The following PCAT7 variants were observed in gnomAD, a reference collection of about 807,000 sequenced individuals.
PCAT7 encodes prostate cancer associated transcript 7, also known as prostate cancer associated transcript 7 (non-protein coding).
At chr9:94,572,375 A>T (rs642035) in intron 2 of PCAT7, among the ~76,000 whole-genome samples, 73,890 of 151,916 alleles carry the variant, frequency 0.49, 18,597 homozygotes, top group African/African-American at 0.61. Context: ...TTCATAGATT[A>T]GTGATTCAAA....
chr9:94,561,817 A>G (rs1340249008), intron 2 of PCAT7, among the ~76,000 whole-genome samples: 1 of 152,234 alleles, frequency 6.6e-6, no homozygotes, highest in Non-Finnish European at 1.5e-5. Flanking sequence ...ATTAGGATCC[A>G]ACAGAACTTT....
At chr9:94,554,865 A>C (rs1049460939), upstream of PCAT7, among the ~76,000 whole-genome samples, 3 of 152,170 alleles carry the variant, frequency 2.0e-5, no homozygotes, top group African/African-American at 7.2e-5. Flanking sequence ...GTAGCTCCCC[A>C]CACCCACACA....
chr9:94,567,388 A>G, intron 2 of PCAT7: 1 of 1,614,158 alleles, frequency 6.2e-7, no homozygotes, highest in Non-Finnish European at 8.5e-7. Context: ...TTTTTCCACC[A>G]GGACAAATTC....
chr9:94,558,760 C>A, intron 1 of PCAT7: 2 of 610,210 alleles, frequency 3.3e-6, no homozygotes, highest in East Asian at 2.9e-5. Flanking sequence ...TTCACATTGA[C>A]CATAGAATCG....
At chr9:94,572,097 G>T (rs1021419496) in intron 2 of PCAT7, among the ~76,000 whole-genome samples, 6 of 152,132 alleles carry the variant, frequency 3.9e-5, no homozygotes, top group African/African-American at 1.4e-4. Context: ...CCAGCAGCAG[G>T]AAGCCCTGAT....
intron 3 of PCAT7, among the ~76,000 whole-genome samples, chr9:94,574,652 C>T (rs1827299443): frequency 6.6e-6 from 1 of 152,088 alleles, no homozygotes; most frequent in Non-Finnish European, 1.5e-5. Flanking sequence ...TCATGACATT[C>T]CATATGTTTT....
intron 1 of PCAT7, among the ~76,000 whole-genome samples, chr9:94,557,517 T>C (rs532063690): frequency 7.2e-5 from 11 of 152,214 alleles, no homozygotes; most frequent in Non-Finnish European, 1.3e-4. Flanking sequence ...TGCCAAGCCA[T>C]GCTAGACTGA....
intron 1 of PCAT7, among the ~76,000 whole-genome samples, chr9:94,557,083 C>G (rs974409732): frequency 6.6e-6 from 1 of 152,164 alleles, no homozygotes; most frequent in Non-Finnish European, 1.5e-5. Context: ...TCCCCTGCCC[C>G]TTTTATTGAT....
At chr9:94,563,704 C>T (rs921417646) in intron 2 of PCAT7, among the ~76,000 whole-genome samples, 2 of 148,296 alleles carry the variant, frequency 1.3e-5, no homozygotes, top group African/African-American at 5.0e-5. Context: ...CAATATCCTG[C>T]AGCAATCTTA....
At chr9:94,563,868 C>T (rs950537555) in intron 2 of PCAT7, among the ~76,000 whole-genome samples, 1 of 152,090 alleles carries the variant, frequency 6.6e-6, no homozygotes, top group African/African-American at 2.4e-5. Context: ...AGACTTTAAA[C>T]CAATAAAGTT....
intron 2 of PCAT7, among the ~76,000 whole-genome samples, chr9:94,559,649 T>G (rs1473162096): frequency 1.3e-5 from 2 of 152,134 alleles, no homozygotes; most frequent in Admixed American, 6.5e-5. Flanking sequence ...TCTAACTAGT[T>G]TGCCGGTGTT....
chr9:94,573,594 TTTC>T (rs1827290259), intron 3 of PCAT7, among the ~76,000 whole-genome samples: 1 of 152,206 alleles, frequency 6.6e-6, no homozygotes, highest in African/African-American at 2.4e-5. Flanking sequence ...TTATGTGATT[TTTC>T]TTCTTTAGCC....
chr9:94,557,395 AT>A (rs771098401), intron 1 of PCAT7, among the ~76,000 whole-genome samples: 1 of 152,136 alleles, frequency 6.6e-6, no homozygotes, highest in Non-Finnish European at 1.5e-5. Context: ...AATATCTTTC[AT>A]CTATGTTTTA....
At chr9:94,570,253 A>G (rs1020494681) in intron 2 of PCAT7, 6 of 152,218 alleles carry the variant, frequency 3.9e-5, no homozygotes, top group Non-Finnish European at 8.8e-5. Flanking sequence ...CAGAATGTTC[A>G]TGGAGATATT....
chr9:94,565,793 A>G (rs989418287), intron 2 of PCAT7, among the ~76,000 whole-genome samples: 1 of 127,992 alleles, frequency 7.8e-6, no homozygotes, highest in African/African-American at 3.8e-5. Context: ...GATAGATGAT[A>G]GATAGGTGAG....
chr9:94,558,358 G>C (rs976765252), intron 1 of PCAT7, among the ~76,000 whole-genome samples: 1 of 152,038 alleles, frequency 6.6e-6, no homozygotes, highest in Non-Finnish European at 1.5e-5. Context: ...GCAATGGCGC[G>C]ATCTCGGCTC....
intron 2 of PCAT7, among the ~76,000 whole-genome samples, chr9:94,565,454 T>C (rs1231832262): frequency 6.6e-6 from 1 of 152,156 alleles, no homozygotes; most frequent in Non-Finnish European, 1.5e-5. Context: ...TTTTCTTATA[T>C]TTTTTGTTGT....
intron 1 of PCAT7, among the ~76,000 whole-genome samples, chr9:94,557,437 T>C (rs967721426): frequency 6.6e-6 from 1 of 152,226 alleles, no homozygotes; most frequent in African/African-American, 2.4e-5. Context: ...AAGAAGAAAA[T>C]CTTTGTTCCT....
intron 2 of PCAT7, chr9:94,571,387 T>G: frequency 7.1e-7 from 1 of 1,403,510 alleles, no homozygotes; most frequent in Non-Finnish European, 9.6e-7. Flanking sequence ...CAGGACATTA[T>G]CGCAGAGAAC....
Sources: allele counts gnomAD v4.1 joint callset (sites outside exome capture counted in the v4.1 genomes callset), GRCh38; gene constraint gnomAD v4.1.1; transcripts MANE v1.5; gene names NCBI Gene and HGNC (gene_info 2026-07-23, HGNC 2026-07-21).